The following PIK3C2G variants were observed in gnomAD, a reference collection of about 807,000 sequenced individuals.
The protein encoded by PIK3C2G is phosphatidylinositol-4-phosphate 3-kinase catalytic subunit type 2 gamma.
Under a neutral mutation model 181.1 loss-of-function variants are expected in PIK3C2G, and 168 were observed. The ratio of observed to expected loss-of-function variants is 0.93; its 90% CI spans 0.82 to 1.05. The LOEUF (loss-of-function observed/expected upper bound fraction) is 1.05, where lower values mean the gene tolerates loss of function less well. PIK3C2G is among the 50% of genes least tolerant of loss of function. PIK3C2G has a pLI of 0.00. For synonymous variants in PIK3C2G, 573 were observed against 592.2 expected, an observed-to-expected ratio of 0.97 and a Z score of 0.47; for missense variants, 1,869 against 1,732.8, an observed-to-expected ratio of 1.08 and a Z score of -1.40.
chr12:18,362,418 G>C (rs1941319261), intron 11 of PIK3C2G, among the ~76,000 whole-genome samples: 1 of 152,210 alleles, frequency 6.6e-6, no homozygotes, highest in Non-Finnish European at 1.5e-5. Context: ...TGCCAGGGAA[G>C]AGGCTCTGGT....
At chr12:18,551,037 C>T (rs1022919525) in intron 26 of PIK3C2G, among the ~76,000 whole-genome samples, 1 of 152,018 alleles carries the variant, frequency 6.6e-6, no homozygotes, top group Non-Finnish European at 1.5e-5. Flanking sequence ...GAGTTTCAGG[C>T]GATGCTGCAT....
the PIK3C2G span, among the ~76,000 whole-genome samples, chr12:18,684,688 C>A: frequency 2.9e-4 from 44 of 152,162 alleles, no homozygotes; most frequent in Non-Finnish European, 5.4e-4. Flanking sequence ...TTAGGCAATT[C>A]TTTAGCAAAT....
chr12:18,696,335 T>C, the PIK3C2G span: 1 of 255,746 alleles, frequency 3.9e-6, no homozygotes, highest in Admixed American at 5.9e-5. Flanking sequence ...TATATATATA[T>C]ATATATATAT....
intron 1 of PIK3C2G, among the ~76,000 whole-genome samples, chr12:18,254,230 G>A (rs934162322): frequency 6.6e-6 from 1 of 152,048 alleles, no homozygotes; most frequent in African/African-American, 2.4e-5. Context: ...AAGGTAGACT[G>A]CTTTCCATTC....
intron 23 of PIK3C2G, among the ~76,000 whole-genome samples, chr12:18,504,680 T>A (rs1226211967): frequency 6.6e-6 from 1 of 152,202 alleles, no homozygotes; most frequent in South Asian, 2.1e-4. Context: ...GAAAGAAACA[T>A]CTGCTCATTA....
chr12:18,713,500 G>A, the PIK3C2G span, among the ~76,000 whole-genome samples: 1 of 152,150 alleles, frequency 6.6e-6, no homozygotes, highest in Non-Finnish European at 1.5e-5. Flanking sequence ...AAAAGATAAA[G>A]CATGACAATA....
intron 30 of PIK3C2G, among the ~76,000 whole-genome samples, chr12:18,595,585 T>A (rs1293693826): frequency 1.3e-5 from 2 of 152,128 alleles, no homozygotes; most frequent in African/African-American, 2.4e-5. Flanking sequence ...TTGAGGAATT[T>A]AAGGAATTTA....
At chr12:18,276,719 G>A (rs2137087735) in intron 1 of PIK3C2G, among the ~76,000 whole-genome samples, 1 of 152,150 alleles carries the variant, frequency 6.6e-6, no homozygotes, top group South Asian at 2.1e-4. Context: ...TATAGTTTTT[G>A]TATTCATTTT....
downstream of PIK3C2G, among the ~76,000 whole-genome samples, chr12:18,651,439 G>A (rs1377483442): frequency 6.6e-6 from 1 of 152,114 alleles, no homozygotes; most frequent in Non-Finnish European, 1.5e-5. Context: ...ATTTACTTAT[G>A]TATTTTGCTT....
At chr12:18,255,856 A>G (rs1284611652) in intron 1 of PIK3C2G, among the ~76,000 whole-genome samples, 2 of 152,216 alleles carry the variant, frequency 1.3e-5, no homozygotes, top group Non-Finnish European at 2.9e-5. Context: ...ATGATCAAAT[A>G]CCACTGGACA....
chr12:18,492,520 G>C (rs1470501562), intron 20 of PIK3C2G, among the ~76,000 whole-genome samples: 1 of 152,154 alleles, frequency 6.6e-6, no homozygotes, highest in Non-Finnish European at 1.5e-5. Flanking sequence ...AGATATGTCT[G>C]TCTGGGCTGA....
chr12:18,290,786 G>A, intron 3 of PIK3C2G, 69 bp from the exon 4 acceptor site: 1 of 936,056 alleles, frequency 1.1e-6, no homozygotes, highest in African/African-American at 1.7e-5. Context: ...ATTACATTGT[G>A]GGCAATATGT....
chr12:18,423,104 A>G lies in PIK3C2G; in HGVS notation c.2410-841A>G, dbSNP rs1433158956. On this transcript the variant is annotated intron_variant, in intron 17 of 32. Coordinates refer to ENST00000538779, the MANE Select transcript of PIK3C2G (RefSeq NM_001288772.2). ...TTTCCTGCTGTCTGTACTGTGGTAT[A>G]AAGCCTGGCTTAGACTCTGAAGCTT... is the stretch of plus-strand genomic sequence containing the variant. Among the ~76,000 whole-genome samples, 5 of 151,716 alleles carry G rather than the reference A, an allele frequency of 3.3e-5. 1 individual carries two copies. Among genetic ancestry groups the G allele is most frequent in the Non-Finnish European group, 5.9e-5 (4 of 67,948 alleles).
chr12:18,278,236 G>A (rs1949067675), intron 1 of PIK3C2G, among the ~76,000 whole-genome samples: 1 of 152,182 alleles, frequency 6.6e-6, no homozygotes, highest in Non-Finnish European at 1.5e-5. Context: ...CATCAGGGCT[G>A]TATTCCTTTC....
chr12:18,680,715 A>G, the PIK3C2G span, among the ~76,000 whole-genome samples: 1 of 152,094 alleles, frequency 6.6e-6, no homozygotes, highest in Non-Finnish European at 1.5e-5. Context: ...TCTATTGCTC[A>G]CTACAAAAGG....
At chr12:18,685,296 C>T in the PIK3C2G span, among the ~76,000 whole-genome samples, 142,652 of 152,058 alleles carry the variant, frequency 0.94, 67,173 homozygotes, top group East Asian at 1. Context: ...AAATCCACAT[C>T]GTGTCACAGT....
rs116565203 is a variant in PIK3C2G at position 18,468,249 on chromosome 12, G to A, written c.2505-20200G>A. On this transcript the variant is annotated intron_variant, in intron 18 of 32. Transcript: ENST00000538779. ...TTTTGTTTACTCTCACAAGAACTGA[G>A]ATTGCTGGTCCAGAGCTCCAACTCT... is the stretch of plus-strand genomic sequence containing the variant. Among the ~76,000 whole-genome samples, 715 of 152,116 alleles carry A rather than the reference G, an allele frequency of 4.7e-3. 5 individuals carry two copies. Among genetic ancestry groups the A allele is most frequent in the African/African-American group, 0.017 (690 of 41,522 alleles).
chr12:18,281,320 A>ACT (rs35846893), intron 1 of PIK3C2G, among the ~76,000 whole-genome samples: 65,141 of 146,978 alleles, frequency 0.44, 14,859 homozygotes, highest in Non-Finnish European at 0.5. Context: ...ACACAGAAAG[A>ACT]CAGAAATTCC....
chr12:18,683,294 A>C, the PIK3C2G span: 5 of 1,612,614 alleles, frequency 3.1e-6, no homozygotes, highest in Admixed American at 8.4e-5. Flanking sequence ...GCTCTCACCC[A>C]TTCTGGAAAA....
Sources: allele counts gnomAD v4.1 joint callset (sites outside exome capture counted in the v4.1 genomes callset), GRCh38; gene constraint gnomAD v4.1.1; transcripts MANE v1.5; gene names NCBI Gene and HGNC (gene_info 2026-07-23, HGNC 2026-07-21).